GNAQ: variants seen among roughly 807,000 people sequenced by gnomAD.
The protein encoded by GNAQ is guanine nucleotide-binding protein G(q) subunit alpha.
GNAQ carries 8 observed loss-of-function variants against 43.9 expected under a neutral mutation model. The observed-to-expected ratio is 0.18, with a 90% CI of 0.11 to 0.33. The LOEUF (loss-of-function observed/expected upper bound fraction) is 0.33. Among genes scored for constraint, GNAQ ranks in the 10% least tolerant of loss-of-function variants. The pLI is 1.00. For missense variants in GNAQ, 158 were observed against 450.8 expected, an observed-to-expected ratio of 0.35 and a Z score of 5.88; for synonymous variants, 155 against 170.7, an observed-to-expected ratio of 0.91 and a Z score of 0.71.
rs775693911 is a variant in GNAQ at position 77,721,503 on chromosome 9, T to C, written c.900A>G (p.Arg300=). ...DYFPEYDGPQ[R]DAQAAREFIL... is the part of the protein sequence containing the mutation. ...TGAATTCTCGGGCTGCCTGGGCATC[T>C]CTCTGGGGTCCTTTCGGCCAAGAGA... The change falls in exon 7 of 7, where the codon AGA becomes AGG. Residue 300 remains arginine (R), a synonymous_variant. Transcript: ENST00000286548. 1.9e-6 allele frequency: 3 copies of C among 1,606,588 alleles called. No homozygotes were observed. The highest frequency in any genetic ancestry group is 2.2e-5 in the East Asian group (1 of 44,836).
intron 1 of GNAQ, among the ~76,000 whole-genome samples, chr9:77,940,441 G>T (rs1428796697): frequency 6.6e-6 from 1 of 152,106 alleles, no homozygotes; most frequent in African/African-American, 2.4e-5. Flanking sequence ...AATTAGCTGG[G>T]CATGGTGGGC....
At chr9:77,853,526 G>T (rs1276479740) in intron 2 of GNAQ, among the ~76,000 whole-genome samples, 3 of 151,964 alleles carry the variant, frequency 2.0e-5, no homozygotes, top group Admixed American at 6.6e-5. Context: ...AACCATGGAA[G>T]CCATTCTCTT....
At chr9:77,764,480 G>C (rs1160249376) in intron 5 of GNAQ, among the ~76,000 whole-genome samples, 1 of 150,524 alleles carries the variant, frequency 6.6e-6, no homozygotes, top group Non-Finnish European at 1.5e-5. Context: ...TTTTGAGATG[G>C]AGTCTCTCTC....
At chr9:77,747,398 A>G (rs1825747630) in intron 5 of GNAQ, among the ~76,000 whole-genome samples, 1 of 152,192 alleles carries the variant, frequency 6.6e-6, no homozygotes, top group African/African-American at 2.4e-5. Context: ...CCTGTTATGA[A>G]GAAGACTTTT....
intron 2 of GNAQ, among the ~76,000 whole-genome samples, chr9:77,883,516 C>T (rs1828250060): frequency 1.3e-5 from 2 of 148,628 alleles, no homozygotes; most frequent in African/African-American, 5.0e-5. Context: ...TAATTTTAGA[C>T]TCAGGCAGTA....
At chr9:77,724,173 T>G (rs1825361445) in intron 6 of GNAQ, among the ~76,000 whole-genome samples, 1 of 152,080 alleles carries the variant, frequency 6.6e-6, no homozygotes. Flanking sequence ...TCAAGTTAGT[T>G]CTATACCAAG....
intron 5 of GNAQ, among the ~76,000 whole-genome samples, chr9:77,782,908 G>A (rs967681408): frequency 7.2e-5 from 11 of 152,216 alleles, no homozygotes; most frequent in African/African-American, 2.2e-4. Context: ...GCTACAAACT[G>A]TATGATTCTA....
At chr9:77,986,921 T>G (rs573120338) in intron 1 of GNAQ, among the ~76,000 whole-genome samples, 1 of 151,752 alleles carries the variant, frequency 6.6e-6, no homozygotes, top group African/African-American at 2.4e-5. Context: ...TCCATGAGGA[T>G]AAAGATTTTA....
At chr9:77,770,450 TAAAAAACAACA>T (rs773311773) in intron 5 of GNAQ, among the ~76,000 whole-genome samples, 4 of 152,090 alleles carry the variant, frequency 2.6e-5, no homozygotes, top group Non-Finnish European at 4.4e-5. Flanking sequence ...CCTGCCAGAA[TAAAAAACAACA>T]ACAAAACACA....
chr9:77,827,287 T>C (rs886840351), intron 2 of GNAQ, among the ~76,000 whole-genome samples: 1 of 150,906 alleles, frequency 6.6e-6, no homozygotes, highest in Non-Finnish European at 1.5e-5. Context: ...ACGCATGCTC[T>C]TCTGCTTGAA....
chr9:77,806,064 T>C lies in GNAQ; in HGVS notation c.477-8416A>G, dbSNP rs538232463. Among the ~76,000 whole-genome samples the C allele has an allele frequency of 9.9e-5, 15 of 152,260 alleles. No homozygotes were observed. In the South Asian group the frequency reaches 2.9e-3, roughly 29 times the overall value. ...GATGCCAGGGCTGGGCTCACAGCAATAGATTCTCAGGTGTAGTGCTCCAAA... is the reference window on the plus strand; with the variant it reads ...GATGCCAGGGCTGGGCTCACAGCAACAGATTCTCAGGTGTAGTGCTCCAAA... On this transcript the variant is annotated intron_variant, in intron 3 of 6. Transcript: ENST00000286548.
At chr9:77,975,540 T>C (rs1180130562) in intron 1 of GNAQ, among the ~76,000 whole-genome samples, 4 of 146,536 alleles carry the variant, frequency 2.7e-5, no homozygotes, top group Admixed American at 6.8e-5. Context: ...CCCCCCCTTT[T>C]TTTTTTTTTT....
At chr9:78,030,527 G>A (rs1360578294) in intron 1 of GNAQ, 1 of 470,862 alleles carries the variant, frequency 2.1e-6, no homozygotes, top group Non-Finnish European at 4.4e-6. Context: ...TGAGTGCTCC[G>A]GGAATCCAGC....
intron 6 of GNAQ, among the ~76,000 whole-genome samples, chr9:77,725,685 A>C (rs2118206784): frequency 6.6e-6 from 1 of 151,486 alleles, no homozygotes; most frequent in South Asian, 2.1e-4. Flanking sequence ...TGGGGAAATT[A>C]TTGGAGAAAG....
intron 2 of GNAQ, among the ~76,000 whole-genome samples, chr9:77,835,249 T>C (rs556280193): frequency 6.6e-6 from 1 of 151,754 alleles, no homozygotes; most frequent in South Asian, 2.1e-4. Context: ...ACTGAAATAA[T>C]GGAGAGAGAA....
At chr9:77,736,167 G>C (rs536674797) in intron 5 of GNAQ, among the ~76,000 whole-genome samples, 1 of 152,284 alleles carries the variant, frequency 6.6e-6, no homozygotes, top group South Asian at 2.1e-4. Flanking sequence ...AAGTCATCCA[G>C]GTTTCTGCCA....
intron 6 of GNAQ, among the ~76,000 whole-genome samples, chr9:77,727,798 G>T (rs117516643): frequency 2.0e-5 from 3 of 152,252 alleles, no homozygotes; most frequent in Non-Finnish European, 4.4e-5. Flanking sequence ...TCAGAACTGG[G>T]ATCTCAACCT....
chr9:77,968,947 C>T (rs923684318), intron 1 of GNAQ, among the ~76,000 whole-genome samples: 5 of 152,218 alleles, frequency 3.3e-5, no homozygotes, highest in Non-Finnish European at 5.9e-5. Flanking sequence ...GGTGAGGGCA[C>T]CTTAATGGAC....
intron 2 of GNAQ, among the ~76,000 whole-genome samples, chr9:77,888,612 T>C (rs1176349281): frequency 2.6e-5 from 4 of 152,152 alleles, no homozygotes; most frequent in Non-Finnish European, 4.4e-5. Context: ...TATCCTAAGG[T>C]TGGAGTTCTG....
Sources: gnomAD v4.1 joint callset for allele counts (sites outside exome capture counted in the v4.1 genomes callset) on GRCh38, gnomAD v4.1.1 for gene constraint, MANE v1.5 for transcripts, NCBI Gene and HGNC (gene_info 2026-07-23, HGNC 2026-07-21) for gene names.